Variants in ATF6 observed in about 807,000 individuals in gnomAD.
ATF6 encodes cyclic AMP-dependent transcription factor ATF-6 alpha.
Under a neutral mutation model 83.6 loss-of-function variants are expected in ATF6, and 53 were observed. The ratio of observed to expected loss-of-function variants is 0.63; its 90% CI spans 0.51 to 0.80. ATF6 has a LOEUF of 0.80. Among genes scored for constraint, ATF6 ranks in the 30% least tolerant of loss-of-function variants. The pLI is 0.00. For synonymous variants in ATF6, 288 were observed against 285.8 expected (o/e 1.01, Z -0.08); for missense variants, 744 against 797.9 (o/e 0.93, Z 0.81).
chr1:161,780,420 CT>C (rs1684607210), intron 2 of ATF6, among the ~76,000 whole-genome samples: 1 of 151,516 alleles, frequency 6.6e-6, no homozygotes, highest in African/African-American at 2.4e-5. Context: ...GTCGCCCAGG[CT>C]GGAGTGCAGT....
At chr1:161,840,869 ACTT>A (rs571554950) in intron 9 of ATF6, among the ~76,000 whole-genome samples, 72 of 152,246 alleles carry the variant, frequency 4.7e-4, no homozygotes, top group African/African-American at 1.6e-3. Flanking sequence ...ACAGCTAGAG[ACTT>A]CTTCTTTTTT....
rs537423922 is a variant in ATF6 at position 161,823,953 on chromosome 1, T to C, written c.1187+2792T>C. ...TATGTGTACATAAAATGTATTTCCA[T>C]ATATTTATGTGTCTGTATGTGTATG... is the stretch of plus-strand genomic sequence containing the variant. On this transcript the variant is annotated intron_variant, in intron 9 of 15. Transcript: ENST00000367942. Among the ~76,000 whole-genome samples, 4 of 152,246 alleles carry C rather than the reference T, an allele frequency of 2.6e-5. No individual in the cohort carries two copies. In the South Asian group the frequency reaches 8.3e-4, roughly 32 times the overall value.
chr1:161,890,243 A>G lies in ATF6; in HGVS notation c.1720-22053A>G, dbSNP rs571809560. Among the ~76,000 whole-genome samples, 29 of 152,394 alleles carry G rather than the reference A, an allele frequency of 1.9e-4. No homozygotes were observed. In the South Asian group the frequency reaches 5.8e-3, roughly 30 times the overall value. ...CAAAAAGATGAGTTTAGGAAGAGTCATATAACTTAACATTTGTAATGTAAA... is the reference window on the plus strand; with the variant it reads ...CAAAAAGATGAGTTTAGGAAGAGTCGTATAACTTAACATTTGTAATGTAAA... On this transcript the variant is annotated intron_variant, in intron 14 of 15. Coordinates refer to ENST00000367942, the MANE Select transcript of ATF6 (RefSeq NM_007348.4).
At chr1:161,860,179 T>C in intron 12 of ATF6, 28 bp from the exon 13 acceptor site, 1 of 1,538,172 alleles carries the variant, frequency 6.5e-7, no homozygotes. Flanking sequence ...GATACAGTAT[T>C]AAACTTTTTT....
At chr1:161,846,076 A>G (rs1462529987) in intron 9 of ATF6, among the ~76,000 whole-genome samples, 2 of 152,120 alleles carry the variant, frequency 1.3e-5, no homozygotes, top group Non-Finnish European at 2.9e-5. Context: ...ACCAGTTTGC[A>G]CCATCCAGGA....
In ATF6 at chr1:161,801,994, G is replaced by A; in HGVS notation, c.689-58G>A. On this transcript the variant is annotated intron_variant, in intron 6 of 15. Transcript: ENST00000367942. ...TGCAGAAAAGACCTAATTATAAGCT[G>A]CTTCCCCTGCCACAGTAGTTGTGTA... 3 of 1,550,700 alleles carry A rather than the reference G, an allele frequency of 1.9e-6. No homozygotes were observed. The South Asian group carries it at 3.4e-5, about 17-fold the overall frequency.
chr1:161,955,313 A>G (rs1251193257), intron 15 of ATF6, among the ~76,000 whole-genome samples: 1 of 152,162 alleles, frequency 6.6e-6, no homozygotes, highest in African/African-American at 2.4e-5. Flanking sequence ...TCAGACTGAC[A>G]GGCAAGTTGT....
intron 9 of ATF6, among the ~76,000 whole-genome samples, chr1:161,834,096 A>G (rs1053608217): frequency 1.3e-5 from 2 of 152,204 alleles, no homozygotes; most frequent in African/African-American, 4.8e-5. Flanking sequence ...AGTGGGGGCC[A>G]ATATTCAACA....
chr1:161,872,172 T>C (rs370317829), intron 14 of ATF6, among the ~76,000 whole-genome samples: 1 of 151,490 alleles, frequency 6.6e-6, no homozygotes, highest in East Asian at 1.9e-4. Context: ...CATTGTGAAC[T>C]CCAATAAGAA....
Position 161,961,498 on chromosome 1 carries a change from C to T in ATF6, c.*2844C>T, listed in dbSNP as rs1689097901. 6.6e-6 allele frequency: 1 copy of T among 151,160 alleles called. No homozygotes were observed. The highest frequency in any genetic ancestry group is 1.5e-5 in the Non-Finnish European group (1 of 67,942). The allele number at this position is 151,160 out of a possible 1,614,324, so 9.4% of individuals were successfully genotyped here. On this transcript the variant is annotated 3_prime_UTR_variant, in exon 16 of 16. Coordinates refer to ENST00000367942, the MANE Select transcript of ATF6 (RefSeq NM_007348.4). ...CAAAGCTATAATTAATCCCTAGGCA[C>T]AATTGTAGTTTTTATTTTAATGTTT...
chr1:161,930,038 A>T (rs1389951207), intron 15 of ATF6, among the ~76,000 whole-genome samples: 1 of 152,216 alleles, frequency 6.6e-6, no homozygotes, highest in Non-Finnish European at 1.5e-5. Context: ...ATCCTCATCT[A>T]TAAAATGAGA....
At chr1:161,887,322 C>T (rs546171140) in intron 14 of ATF6, among the ~76,000 whole-genome samples, 2 of 152,126 alleles carry the variant, frequency 1.3e-5, no homozygotes, top group East Asian at 1.9e-4. Context: ...TCAACTGATC[C>T]GCCTGCCTTG....
At chr1:161,881,261 C>T (rs532938640) in intron 14 of ATF6, among the ~76,000 whole-genome samples, 113 of 152,120 alleles carry the variant, frequency 7.4e-4, no homozygotes, top group Non-Finnish European at 1.3e-3. Context: ...AAGTAACAAT[C>T]ACAGTCTTGG....
At chr1:161,846,029 A>G (rs957129381) in intron 9 of ATF6, among the ~76,000 whole-genome samples, 3 of 152,098 alleles carry the variant, frequency 2.0e-5, no homozygotes, top group African/African-American at 7.2e-5. Context: ...TTTGACTTTT[A>G]TTCCTACTTC....
intron 15 of ATF6, among the ~76,000 whole-genome samples, chr1:161,936,700 C>T (rs1558032580): frequency 6.6e-6 from 1 of 152,190 alleles, no homozygotes; most frequent in Admixed American, 6.5e-5. Context: ...TCCACACTCA[C>T]ATTTTTATAA....
chr1:161,942,177 G>A (rs1378671363), intron 15 of ATF6, among the ~76,000 whole-genome samples: 3 of 152,148 alleles, frequency 2.0e-5, no homozygotes, highest in Non-Finnish European at 4.4e-5. Context: ...TTCATACAGT[G>A]GTGTTAGAAG....
intron 9 of ATF6, among the ~76,000 whole-genome samples, chr1:161,842,588 T>C (rs533413339): frequency 5.1e-4 from 77 of 152,276 alleles, no homozygotes; most frequent in African/African-American, 1.8e-3. Context: ...TTGGAGACTA[T>C]TCTAAGTGAA....
At chr1:161,860,373 C>A in intron 13 of ATF6, 96 bp downstream of exon 13, 2 of 731,828 alleles carry the variant, frequency 2.7e-6, no homozygotes, top group Non-Finnish European at 4.1e-6. Context: ...TAAATTTGTT[C>A]TCATCTATGA....
At chr1:161,865,987 T>C (rs1467395763) in intron 14 of ATF6, among the ~76,000 whole-genome samples, 1 of 152,204 alleles carries the variant, frequency 6.6e-6, no homozygotes, top group Non-Finnish European at 1.5e-5. Context: ...CATCTTTCAA[T>C]ATAAAATATT....
Sources: allele counts gnomAD v4.1 joint callset (sites outside exome capture counted in the v4.1 genomes callset), GRCh38; gene constraint gnomAD v4.1.1; transcripts MANE v1.5; gene names NCBI Gene and HGNC (gene_info 2026-07-23, HGNC 2026-07-21).